Variants in A1CF observed in about 807,000 individuals in gnomAD.
A1CF encodes the protein APOBEC1 complementation factor, also known as APOBEC-1 stimulating protein.
A neutral mutation model predicts 68.9 loss-of-function variants in A1CF; 48 were observed. The ratio of observed to expected loss-of-function variants is 0.70; its 90% confidence interval spans 0.55 to 0.89. A1CF has a LOEUF of 0.89. Ranked by LOEUF, A1CF falls within the 40% of genes least tolerant of loss-of-function variation. The pLI, the probability that A1CF is intolerant of heterozygous loss-of-function variation, is 0.00. For missense variants in A1CF, 653 were observed against 718.9 expected (o/e 0.91, Z 1.05); for synonymous variants, 272 against 260.4 (o/e 1.04, Z -0.43).
intron 6 of A1CF, among the ~76,000 whole-genome samples, chr10:50,828,909 C>T (rs1044765821): frequency 3.3e-5 from 5 of 152,134 alleles, no homozygotes; most frequent in Non-Finnish European, 5.9e-5. Context: ...AATTGGGAAT[C>T]TGGAGACATT....
At chr10:50,833,098 T>C (rs1839326210) in intron 6 of A1CF, among the ~76,000 whole-genome samples, 1 of 152,214 alleles carries the variant, frequency 6.6e-6, no homozygotes, top group Non-Finnish European at 1.5e-5. Flanking sequence ...AACTTTATAT[T>C]CCAGTGATGC....
At position 50,828,007 on chromosome 10, in the gene A1CF, C is replaced by T. The variant is rs767862111; in HGVS notation, c.769+124G>A. ...AACTACCGTCAGAGAATACTATAAACACCTCTATGCAAATAAACTAGAAAT... is the reference window on the plus strand; with the variant it reads ...AACTACCGTCAGAGAATACTATAAATACCTCTATGCAAATAAACTAGAAAT... On this transcript the variant is annotated intron_variant, in intron 7 of 12. Coordinates refer to ENST00000373997, the MANE Select transcript of A1CF (RefSeq NM_014576.4). 1.0e-4 allele frequency: 62 copies of T among 596,126 alleles called. 1 individual carries two copies. The highest frequency in any genetic ancestry group is 1.3e-4 in the Non-Finnish European group (51 of 381,386). The allele number at this position is 596,126 out of a possible 1,614,324, so 36.9% of individuals were successfully genotyped here. A position where few individuals can be genotyped will look rare whatever the true frequency, so the allele number is the denominator to read the frequency against.
intron 3 of A1CF, among the ~76,000 whole-genome samples, chr10:50,854,691 C>T (rs533916936): frequency 6.6e-6 from 1 of 151,824 alleles, no homozygotes; most frequent in Non-Finnish European, 1.5e-5. Flanking sequence ...AGGTCAGGCA[C>T]TGCATTTTTA....
Position 50,841,729 on chromosome 10 carries a change from G to A in A1CF, c.365+133C>T, listed in dbSNP as rs557410657. 91 of 1,051,340 alleles carry A rather than the reference G, an allele frequency of 8.7e-5. No individual in the cohort carries two copies. In the African/African-American group the frequency reaches 1.4e-3, roughly 16 times the overall value. The allele number at this position is 1,051,340 out of a possible 1,614,324, so 65.1% of individuals were successfully genotyped here. A position where few individuals can be genotyped will look rare whatever the true frequency, so the allele number is the denominator to read the frequency against. ...ATTTAATCAAATTTATTTTTGCCAAGGAAAAATACTAATCTATTTCATTTC... is the reference window on the plus strand; with the variant it reads ...ATTTAATCAAATTTATTTTTGCCAAAGAAAAATACTAATCTATTTCATTTC... On this transcript the variant is annotated intron_variant, in intron 5 of 12. Coordinates refer to ENST00000373997, the MANE Select transcript of A1CF (RefSeq NM_014576.4).
intron 7 of A1CF, among the ~76,000 whole-genome samples, chr10:50,827,542 A>G (rs947994636): frequency 6.6e-6 from 1 of 152,244 alleles, no homozygotes; most frequent in Non-Finnish European, 1.5e-5. Flanking sequence ...TACTGAGTAC[A>G]CAACGAAATG....
chr10:50,846,795 G>T (rs1840020418), intron 3 of A1CF, among the ~76,000 whole-genome samples: 1 of 152,008 alleles, frequency 6.6e-6, no homozygotes, highest in African/African-American at 2.4e-5. Flanking sequence ...GTCTTTCTTT[G>T]TTTTTTATAA....
Position 50,802,016 on chromosome 10 carries a change from T to A in A1CF, c.*4713A>T, listed in dbSNP as rs1327468678. On this transcript the variant is annotated 3_prime_UTR_variant, in exon 13 of 13. Transcript: ENST00000373997. ...TATAAACATTGTTGGACAACATGGC[T>A]TTAAAAATGTTGGACATTTGGAGGG... 6.6e-6 allele frequency: 1 copy of A among 152,192 alleles called. No individual in the cohort carries two copies. The highest frequency in any genetic ancestry group is 1.5e-5 in the Non-Finnish European group (1 of 68,030). 9.4% of individuals were successfully genotyped at this position (152,192 alleles called of 1,614,324 possible). A position where few individuals can be genotyped will look rare whatever the true frequency, so the allele number is the denominator to read the frequency against.
At chr10:50,857,880 T>C (rs1212848788) in intron 3 of A1CF, among the ~76,000 whole-genome samples, 2 of 152,192 alleles carry the variant, frequency 1.3e-5, no homozygotes, top group African/African-American at 4.8e-5. Flanking sequence ...TGAGGGCTGC[T>C]TCAAATATCA....
intron 5 of A1CF, among the ~76,000 whole-genome samples, chr10:50,840,357 A>C (rs963454241): frequency 6.6e-6 from 1 of 152,154 alleles, no homozygotes; most frequent in African/African-American, 2.4e-5. Flanking sequence ...TATAGCAATA[A>C]ACCTATGAAA....
At chr10:50,882,905 T>A (rs1438544316) in intron 1 of A1CF, among the ~76,000 whole-genome samples, 1 of 152,180 alleles carries the variant, frequency 6.6e-6, no homozygotes, top group Non-Finnish European at 1.5e-5. Flanking sequence ...GCCTCCATGA[T>A]GAAATGAGCA....
At chr10:50,825,739 C>T (rs550106129) in intron 7 of A1CF, among the ~76,000 whole-genome samples, 92 of 152,254 alleles carry the variant, frequency 6.0e-4, no homozygotes, top group Middle Eastern at 6.8e-3. Flanking sequence ...AGATGAGTAG[C>T]AACTAACTAT....
At chr10:50,872,895 G>T (rs1284316199) in intron 1 of A1CF, among the ~76,000 whole-genome samples, 1 of 150,306 alleles carries the variant, frequency 6.7e-6, no homozygotes, top group Non-Finnish European at 1.5e-5. Context: ...GTATCATTTG[G>T]CAAGATCTGG....
chr10:50,844,539 A>T (rs1292766666), intron 3 of A1CF, among the ~76,000 whole-genome samples: 2 of 152,096 alleles, frequency 1.3e-5, no homozygotes, highest in African/African-American at 2.4e-5. Flanking sequence ...TTACAACTAC[A>T]TATTAATAAT....
intron 5 of A1CF, among the ~76,000 whole-genome samples, chr10:50,839,743 G>T (rs547102685): frequency 2.6e-5 from 4 of 152,102 alleles, no homozygotes; most frequent in Admixed American, 2.6e-4. Context: ...TGGCTAAGGC[G>T]TTGTTTGTTT....
chr10:50,852,026 G>A (rs765650668), intron 3 of A1CF, among the ~76,000 whole-genome samples: 4 of 152,212 alleles, frequency 2.6e-5, no homozygotes, highest in Non-Finnish European at 4.4e-5. Context: ...ACTCACAAAT[G>A]AATAGCACTT....
At chr10:50,882,956 T>C (rs1841848437) in intron 1 of A1CF, among the ~76,000 whole-genome samples, 1 of 152,024 alleles carries the variant, frequency 6.6e-6, no homozygotes, top group African/African-American at 2.4e-5. Context: ...GGTGAAAAGG[T>C]GTTGGGGTTT....
Position 50,813,895 on chromosome 10 carries a change from C to A in A1CF, c.1285G>T (p.Val429Phe). 3 of 1,613,842 alleles carry A rather than the reference C, an allele frequency of 1.9e-6. No homozygotes were observed. The highest frequency in any genetic ancestry group is 2.5e-6 in the Non-Finnish European group (3 of 1,179,836). ...TTAATTCCTTGGGGTTTTAATGTGA[C>A]AGGATTCATTGGGGTGAGCTCCATC... is the stretch of plus-strand genomic sequence containing the variant. ...PGMELTPMNP[V>F]TLKPQGIKLA... The change falls in exon 10 of 13, where the codon GTC (valine) becomes TTC (phenylalanine). Residue 429 changes from valine (V) to phenylalanine (F), a missense_variant. By Grantham distance (50) the Val-to-Phe change is conservative. Transcript: ENST00000373997.
intron 8 of A1CF, 146 bp downstream of exon 8, chr10:50,820,406 T>A: frequency 1.8e-6 from 1 of 546,130 alleles, no homozygotes; most frequent in Admixed American, 3.7e-5. Flanking sequence ...TTTCCATCAT[T>A]TCTCTTTAGT....
At chr10:50,881,148 C>T (rs1033290952) in intron 1 of A1CF, among the ~76,000 whole-genome samples, 1 of 152,104 alleles carries the variant, frequency 6.6e-6, no homozygotes, top group Non-Finnish European at 1.5e-5. Context: ...CACCACCATG[C>T]CTGGCTAATT....
Sources: gnomAD v4.1 joint callset for allele counts (sites outside exome capture counted in the v4.1 genomes callset) on GRCh38, gnomAD v4.1.1 for gene constraint, MANE v1.5 for transcripts, NCBI Gene and HGNC (gene_info 2026-07-23, HGNC 2026-07-21) for gene names.